ZNF789: variants seen among roughly 807,000 people sequenced by gnomAD.
The protein encoded by ZNF789 is zinc finger protein 789.
In ZNF789, 11 loss-of-function variants were observed where a neutral mutation model predicts 15.6. The observed-to-expected ratio is 0.70, with a 90% confidence interval of 0.44 to 1.16. ZNF789 has a LOEUF of 1.16. ZNF789 is among the 50% of genes most tolerant of loss of function. The probability of loss-of-function intolerance (pLI) is 0.00; values close to 1 mark genes in which losing one functional copy is unlikely to be tolerated. For synonymous variants in ZNF789, 159 were observed against 176.0 expected, an observed-to-expected ratio of 0.90 and a Z score of 0.76; for missense variants, 461 against 512.6, an observed-to-expected ratio of 0.90 and a Z score of 0.97.
intron 1 of ZNF789, among the ~76,000 whole-genome samples, chr7:99,475,480 AC>A (rs1347225641): frequency 1.3e-5 from 2 of 151,848 alleles, no homozygotes; most frequent in Non-Finnish European, 2.9e-5. Context: ...GGGTTGAGTG[AC>A]CCCTTTAGAA....
Position 99,479,558 on chromosome 7 carries a change from C to T in ZNF789, c.25-103C>T, listed in dbSNP as rs1005572854. On this transcript the variant is annotated intron_variant, in intron 2 of 4. Coordinates refer to ENST00000331410, the MANE Select transcript of ZNF789 (RefSeq NM_213603.3). ...TTCCTTATGAATTGGGTGCCCTTGG[C>T]CCACACTCTACCTCCCAAACCTTGG... 10 of 1,400,012 alleles carry T rather than the reference C, an allele frequency of 7.1e-6. No individual in the cohort carries two copies. In the Admixed American group the frequency reaches 2.5e-4, roughly 35 times the overall value. The allele number at this position is 1,400,012 out of a possible 1,614,324, so 86.7% of individuals were successfully genotyped here.
In ZNF789 at chr7:99,482,372, G is replaced by A. The variant is rs1277635199; in HGVS notation, c.152-1658G>A. ...TTCCCTGGGGAAGGCTGAATTAACT[G>A]TGTGTTGTGCACCTGCGTTTTGACT... On this transcript the variant is annotated intron_variant, in intron 3 of 4. Coordinates refer to ENST00000331410, the MANE Select transcript of ZNF789 (RefSeq NM_213603.3). 1.4e-5 allele frequency: 9 copies of A among 664,554 alleles called. No homozygotes were observed. In the East Asian group the frequency reaches 2.4e-4, roughly 18 times the overall value. The allele number at this position is 664,554 out of a possible 1,614,324, so 41.2% of individuals were successfully genotyped here.
At position 99,484,146 on chromosome 7, in the gene ZNF789, G is replaced by T. The variant is rs753434470; in HGVS notation, c.265+3G>T. On this transcript the variant is annotated splice_donor_region_variant and intron_variant, in intron 4 of 4. Coordinates refer to ENST00000331410, the MANE Select transcript of ZNF789 (RefSeq NM_213603.3). ...GGCTTCCGGTAGTGCTTGCCCAGGT[G>T]GGTGAGGAAGAGACCCAGGCGAGTG... 3 of 1,612,008 alleles carry T rather than the reference G, an allele frequency of 1.9e-6. No homozygotes were observed. The East Asian group carries it at 6.7e-5, about 36-fold the overall frequency.
At chr7:99,473,465 C>G (rs1182437841) in intron 1 of ZNF789, among the ~76,000 whole-genome samples, 1 of 152,168 alleles carries the variant, frequency 6.6e-6, no homozygotes, top group Non-Finnish European at 1.5e-5. Context: ...GTGCAGTGAT[C>G]TTGATTGTAA....
In ZNF789 at chr7:99,475,394, TA is replaced by T. The variant is rs745801828; in HGVS notation, c.-54-994del. 8.4e-3 allele frequency among the ~76,000 whole-genome samples: 1,191 copies of T among 142,488 alleles called. 8 individuals carry two copies. Among genetic ancestry groups the T allele is most frequent in the African/African-American group, 0.018 (711 of 38,944 alleles). The allele number at this position is 142,488 out of a possible 152,430, so 93.5% of individuals were successfully genotyped here. ...TGCACAACAAGAGTGAAACTCTGTT[TA>T]AAAAAAAAAAAAAATCAAGTCTGTA... On this transcript the variant is annotated intron_variant, in intron 1 of 4. Coordinates refer to ENST00000331410, the MANE Select transcript of ZNF789 (RefSeq NM_213603.3).
intron 1 of ZNF789, among the ~76,000 whole-genome samples, chr7:99,475,806 CTTT>C (rs59681284): frequency 5.5e-5 from 7 of 128,332 alleles, no homozygotes; most frequent in Middle Eastern, 8.1e-3. Flanking sequence ...TTTTTTCTTT[CTTT>C]TTTTTTTTTT....
chr7:99,486,210 C>T (rs767353744), intron 4 of ZNF789, among the ~76,000 whole-genome samples: 30 of 152,084 alleles, frequency 2.0e-4, no homozygotes, highest in South Asian at 1.0e-3. Context: ...CCCAGCTACT[C>T]GGGAGGCTGA....
intron 3 of ZNF789, chr7:99,481,756 TGA>T (rs1393998560): frequency 9.5e-6 from 2 of 210,886 alleles, no homozygotes; most frequent in Non-Finnish European, 1.9e-5. Flanking sequence ...TGCACCCAGC[TGA>T]GAGTGCTTCT....
intron 1 of ZNF789, among the ~76,000 whole-genome samples, chr7:99,474,222 G>T (rs2151045818): frequency 6.6e-6 from 1 of 152,198 alleles, no homozygotes; most frequent in East Asian, 1.9e-4. Context: ...AATTGTCTTG[G>T]ACTACACATA....
chr7:99,482,319 T>C (rs1799682866), intron 3 of ZNF789: 14 of 734,966 alleles, frequency 1.9e-5, no homozygotes, highest in Non-Finnish European at 3.3e-5. Context: ...CTGCCAGATA[T>C]TTACAAAGAT....
intron 1 of ZNF789, among the ~76,000 whole-genome samples, chr7:99,475,015 C>G (rs1799242946): frequency 6.6e-6 from 1 of 151,872 alleles, no homozygotes; most frequent in Non-Finnish European, 1.5e-5. Flanking sequence ...GTCTTCTAAA[C>G]TGTTTTCAGG....
chr7:99,476,576 T>C, intron 2 of ZNF789, 96 bp downstream of exon 2: 1 of 1,512,740 alleles, frequency 6.6e-7, no homozygotes. Context: ...TGGGGAGTTT[T>C]CCTTCTTAGA....
chr7:99,485,104 C>T (rs933989979), intron 4 of ZNF789: 1 of 1,385,480 alleles, frequency 7.2e-7, no homozygotes, highest in Non-Finnish European at 9.7e-7. Context: ...ATTACTTGTC[C>T]TCTCTCGGTG....
chr7:99,487,581 T>G lies in ZNF789; in HGVS notation c.*93T>G. 1 of 1,448,374 alleles carries G rather than the reference T, an allele frequency of 6.9e-7. No homozygotes were observed. Among genetic ancestry groups the G allele is most frequent in the Non-Finnish European group, 9.3e-7 (1 of 1,076,254 alleles). 89.7% of individuals were successfully genotyped at this position (1,448,374 alleles called of 1,614,324 possible). On this transcript the variant is annotated 3_prime_UTR_variant, in exon 5 of 5. Coordinates refer to ENST00000331410, the MANE Select transcript of ZNF789 (RefSeq NM_213603.3). ...AATTGTTTCCATGAAAAGCAATAAA[T>G]GTAACAAAGGGTTTTTCTATGGGAG...
intron 4 of ZNF789, 38 bp from the exon 5 acceptor site, chr7:99,486,438 G>T (rs761402414): frequency 6.4e-7 from 1 of 1,570,278 alleles, no homozygotes; most frequent in Admixed American, 1.9e-5. Flanking sequence ...CTTCTGCAGT[G>T]GATAGGTCAT....
chr7:99,480,165 A>C (rs150854328), intron 3 of ZNF789: 1 of 223,032 alleles, frequency 4.5e-6, no homozygotes, highest in Non-Finnish European at 8.7e-6. Context: ...GCTCTACTTA[A>C]GATGCGAAAA....
Position 99,484,050 on chromosome 7 carries a change from G to T in ZNF789, c.172G>T (p.Glu58Ter), listed in dbSNP as rs753746104. Residue 58 changes from glutamate to a stop codon, truncating the protein, a stop_gained, in exon 4 of 5, where the codon GAG becomes TAG. Coordinates refer to ENST00000331410, the MANE Select transcript of ZNF789 (RefSeq NM_213603.3). LOFTEE classifies it high-confidence loss of function. Reference protein sequence around the residue: ...VLLGFQFPKPEMICQLENWDE... With the variant: ...VLLGFQFPKP ...AGTAGGATTTCAGTTTCCCAAACCTGAGATGATCTGTCAGCTGGAGAACTG... is the reference window on the plus strand; with the variant it reads ...AGTAGGATTTCAGTTTCCCAAACCTTAGATGATCTGTCAGCTGGAGAACTG... 1 of 1,613,976 alleles carries T rather than the reference G, an allele frequency of 6.2e-7. No individual in the cohort carries two copies. Among genetic ancestry groups the T allele is most frequent in the Admixed American group, 1.7e-5 (1 of 59,972 alleles).
At chr7:99,477,753 C>A (rs1212390683) in intron 2 of ZNF789, among the ~76,000 whole-genome samples, 1 of 152,130 alleles carries the variant, frequency 6.6e-6, no homozygotes, top group Non-Finnish European at 1.5e-5. Flanking sequence ...TGAGACCAGC[C>A]TGGCCAACAT....
At chr7:99,479,845 T>C in intron 3 of ZNF789, 58 bp downstream of exon 3, 1 of 1,515,714 alleles carries the variant, frequency 6.6e-7, no homozygotes, top group Non-Finnish European at 8.9e-7. Context: ...GTGCAAGCCC[T>C]TAGTCCCTTA....
Sources: allele counts gnomAD v4.1 joint callset (sites outside exome capture counted in the v4.1 genomes callset), GRCh38; gene constraint gnomAD v4.1.1; transcripts MANE v1.5; gene names NCBI Gene and HGNC (gene_info 2026-07-23, HGNC 2026-07-21).